Variants in JAZF1 observed in about 807,000 individuals in gnomAD.
JAZF1 encodes the protein JAZF zinc finger 1.
Under a neutral mutation model 26.4 loss-of-function variants are expected in JAZF1, and 8 were observed. The ratio of observed to expected loss-of-function variants is 0.30; its 90% confidence interval spans 0.18 to 0.55. The LOEUF is 0.55. Ranked by LOEUF, JAZF1 falls within the 20% of genes least tolerant of loss-of-function variation. The pLI, the probability that JAZF1 is intolerant of heterozygous loss-of-function variation, is 0.94. For synonymous variants in JAZF1, 126 were observed against 122.3 expected (o/e 1.03, Z -0.20); for missense variants, 199 against 322.0 (o/e 0.62, Z 2.92).
chr7:27,995,887 C>A (rs1237399540), intron 1 of JAZF1, among the ~76,000 whole-genome samples: 1 of 152,158 alleles, frequency 6.6e-6, no homozygotes, highest in Non-Finnish European at 1.5e-5. Flanking sequence ...AAGGAAACAG[C>A]AAGGCAGATA....
At chr7:28,082,675 C>A (rs979846169) in intron 1 of JAZF1, among the ~76,000 whole-genome samples, 15 of 152,170 alleles carry the variant, frequency 9.9e-5, no homozygotes, top group African/African-American at 3.6e-4. Flanking sequence ...CACCAGACAC[C>A]CATGAGCCAT....
chr7:27,893,858 T>C (rs1038377063), intron 3 of JAZF1, among the ~76,000 whole-genome samples: 1 of 152,176 alleles, frequency 6.6e-6, no homozygotes, highest in South Asian at 2.1e-4. Context: ...GAAGAAGGGC[T>C]GGGCACGCTC....
intron 1 of JAZF1, among the ~76,000 whole-genome samples, chr7:28,059,348 A>G (rs990335295): frequency 6.6e-6 from 1 of 152,302 alleles, no homozygotes; most frequent in African/African-American, 2.4e-5. Context: ...TAACTGGAAT[A>G]ATTTGTCCAG....
At chr7:27,881,298 C>A (rs1174248917) in intron 3 of JAZF1, among the ~76,000 whole-genome samples, 1 of 152,162 alleles carries the variant, frequency 6.6e-6, no homozygotes, top group African/African-American at 2.4e-5. Context: ...AGCTCACTCA[C>A]AACTAAGTTG....
intron 1 of JAZF1, among the ~76,000 whole-genome samples, chr7:28,054,677 G>A (rs921094809): frequency 5.3e-5 from 8 of 152,180 alleles, no homozygotes; most frequent in Middle Eastern, 3.4e-3. Flanking sequence ...TCTCATGCTC[G>A]AGGCCATTAG....
intron 3 of JAZF1, among the ~76,000 whole-genome samples, chr7:27,879,238 A>G (rs1390374983): frequency 6.6e-6 from 1 of 152,180 alleles, no homozygotes; most frequent in Non-Finnish European, 1.5e-5. Context: ...CCATTTCTTC[A>G]TATCAAGCAT....
intron 1 of JAZF1, among the ~76,000 whole-genome samples, chr7:28,157,703 C>T (rs1353749732): frequency 6.6e-6 from 1 of 152,128 alleles, no homozygotes; most frequent in Admixed American, 6.6e-5. Flanking sequence ...TACTTCCATT[C>T]GTGACAGAGA....
chr7:28,120,967 A>G (rs1019876808), intron 1 of JAZF1, among the ~76,000 whole-genome samples: 5 of 152,106 alleles, frequency 3.3e-5, no homozygotes, highest in African/African-American at 1.2e-4. Context: ...TGGGAGGCCA[A>G]GGCGGGTGGA....
In JAZF1 at chr7:28,109,498, T is replaced by G. The variant is rs539218053; in HGVS notation, c.115+70965A>C. On this transcript the variant is annotated intron_variant, in intron 1 of 4. Coordinates refer to ENST00000283928, the MANE Select transcript of JAZF1 (RefSeq NM_175061.4). The stretch of plus-strand genomic sequence containing the variant: ...ATAACCCATAAACGCTCTCTCAAGG[T>G]ATATCAACCACCTGCCCAGGAAAAA... Among the ~76,000 whole-genome samples, 4 of 152,314 alleles carry G rather than the reference T, an allele frequency of 2.6e-5. No homozygotes were observed. In the South Asian group the frequency reaches 8.3e-4, roughly 32 times the overall value.
chr7:28,020,571 T>G, intron 1 of JAZF1: 1 of 471,194 alleles, frequency 2.1e-6, no homozygotes, highest in Non-Finnish European at 4.4e-6. Context: ...ACGGCAGGCA[T>G]GGACATGCAT....
chr7:28,097,796 AATGG>A (rs1408562205), intron 1 of JAZF1, among the ~76,000 whole-genome samples: 1 of 152,088 alleles, frequency 6.6e-6, no homozygotes, highest in Non-Finnish European at 1.5e-5. Flanking sequence ...TGCATGTAGA[AATGG>A]GAGGGTGACA....
intron 2 of JAZF1, among the ~76,000 whole-genome samples, chr7:27,961,802 G>GAT (rs1469699017): frequency 3.3e-5 from 5 of 152,170 alleles, no homozygotes; most frequent in Admixed American, 6.5e-5. Context: ...CATTTTAAGG[G>GAT]GGAAATTGTA....
intron 1 of JAZF1, among the ~76,000 whole-genome samples, chr7:28,067,850 A>T (rs987159501): frequency 3.3e-5 from 5 of 152,094 alleles, no homozygotes; most frequent in African/African-American, 9.7e-5. Flanking sequence ...CAGAACCTAG[A>T]CTTCAGCCTC....
Position 28,155,781 on chromosome 7 carries a change from G to A in JAZF1, c.115+24682C>T, listed in dbSNP as rs575386081. 1.4e-3 allele frequency among the ~76,000 whole-genome samples: 216 copies of A among 152,264 alleles called. 1 individual carries two copies. The highest frequency in any genetic ancestry group is 5.0e-3 in the African/African-American group (208 of 41,558). On this transcript the variant is annotated intron_variant, in intron 1 of 4. Coordinates refer to ENST00000283928, the MANE Select transcript of JAZF1 (RefSeq NM_175061.4). ...CAGCACAGAATGTATGTGTGTGTCT[G>A]TGTGTGTGTGCACGCGCACATGGGA...
chr7:28,111,936 A>G (rs988258443), intron 1 of JAZF1, among the ~76,000 whole-genome samples: 1 of 152,212 alleles, frequency 6.6e-6, no homozygotes, highest in African/African-American at 2.4e-5. Flanking sequence ...ACAGCTGTCT[A>G]TATGCCTGAC....
chr7:27,887,015 C>G (rs1469836084), intron 3 of JAZF1, among the ~76,000 whole-genome samples: 1 of 152,166 alleles, frequency 6.6e-6, no homozygotes, highest in Non-Finnish European at 1.5e-5. Flanking sequence ...AAACCAAATA[C>G]TGCATGTTCT....
At chr7:28,060,057 ATATTT>A (rs1435195985) in intron 1 of JAZF1, among the ~76,000 whole-genome samples, 2 of 152,092 alleles carry the variant, frequency 1.3e-5, no homozygotes, top group Non-Finnish European at 1.5e-5. Context: ...TACATTCTAA[ATATTT>A]TATTCAATTT....
chr7:27,898,344 G>A lies in JAZF1; in HGVS notation c.189-2928C>T, dbSNP rs372826169. On this transcript the variant is annotated intron_variant, in intron 2 of 4. Coordinates refer to ENST00000283928, the MANE Select transcript of JAZF1 (RefSeq NM_175061.4). ...TTTTTTTTTTTTGAGATGGAGTCTC[G>A]CACTGTTGCCCAGGCTGGAGTGCAG... Among the ~76,000 whole-genome samples the A allele has an allele frequency of 3.8e-4, 44 of 116,956 alleles. 1 individual carries two copies. Among genetic ancestry groups the A allele is most frequent in the Middle Eastern group, 7.0e-3 (1 of 142 alleles). The allele number at this position is 116,956 out of a possible 152,430, so 76.7% of individuals were successfully genotyped here.
At chr7:28,078,926 G>A (rs1784094884) in intron 1 of JAZF1, among the ~76,000 whole-genome samples, 1 of 152,022 alleles carries the variant, frequency 6.6e-6, no homozygotes, top group Non-Finnish European at 1.5e-5. Flanking sequence ...GAATTGGTAG[G>A]GACCTGAGAT....
Sources: allele counts gnomAD v4.1 joint callset (sites outside exome capture counted in the v4.1 genomes callset), GRCh38; gene constraint gnomAD v4.1.1; transcripts MANE v1.5; gene names NCBI Gene and HGNC (gene_info 2026-07-23, HGNC 2026-07-21).